The following HHLA2 variants were observed in gnomAD, a reference collection of about 807,000 sequenced individuals.
HHLA2 encodes HERV-H LTR-associating protein 2.
HHLA2 carries 48 observed loss-of-function variants against 45.9 expected under a neutral mutation model. That is an observed-to-expected ratio of 1.05 (90% CI 0.83 to 1.33). The LOEUF (loss-of-function observed/expected upper bound fraction) is 1.33, where lower values mean the gene tolerates loss of function less well. Among genes scored for constraint, HHLA2 ranks in the 40% most tolerant of loss-of-function variants. HHLA2 has a pLI of 0.00. For missense variants in HHLA2, 462 were observed against 494.3 expected, an observed-to-expected ratio of 0.93 and a Z score of 0.62; for synonymous variants, 161 against 173.9, an observed-to-expected ratio of 0.93 and a Z score of 0.59.
At chr3:108,358,224 A>C in intron 7 of HHLA2, 63 bp downstream of exon 6, 5 of 1,198,626 alleles carry the variant, frequency 4.2e-6, no homozygotes, top group Non-Finnish European at 5.9e-6. Flanking sequence ...TGTGAATATC[A>C]AAGAGAAAAT....
chr3:108,341,024 C>T (rs2081562952), intron 3 of HHLA2, among the ~76,000 whole-genome samples: 1 of 150,118 alleles, frequency 6.7e-6, no homozygotes, highest in Non-Finnish European at 1.5e-5. Flanking sequence ...GTAATCTTGG[C>T]TCACTGCAAC....
intron 8 of HHLA2, among the ~76,000 whole-genome samples, chr3:108,371,458 C>T (rs1386842312): frequency 2.0e-5 from 3 of 152,178 alleles, no homozygotes; most frequent in Non-Finnish European, 4.4e-5. Context: ...ATGACAGGAT[C>T]AAATTCACAT....
intron 5 of HHLA2, 94 bp downstream of exon 4, chr3:108,353,874 C>T: frequency 1.2e-6 from 1 of 833,080 alleles, no homozygotes; most frequent in African/African-American, 1.7e-5. Flanking sequence ...AGCTTCCTTC[C>T]AAGTCAATAC....
chr3:108,307,184 C>A (rs1396972432), intron 1 of HHLA2, among the ~76,000 whole-genome samples: 1 of 152,102 alleles, frequency 6.6e-6, no homozygotes, highest in Non-Finnish European at 1.5e-5. Context: ...TACCTTTATT[C>A]CTTTTTAATA....
At chr3:108,344,529 T>A (rs2081628879) in intron 3 of HHLA2, among the ~76,000 whole-genome samples, 3 of 152,222 alleles carry the variant, frequency 2.0e-5, no homozygotes, top group Admixed American at 2.0e-4. Flanking sequence ...AATTATTTGA[T>A]GATAACCCAC....
intron 2 of HHLA2, among the ~76,000 whole-genome samples, chr3:108,324,202 G>C (rs2081250037): frequency 6.6e-6 from 1 of 152,078 alleles, no homozygotes; most frequent in South Asian, 2.1e-4. Context: ...CAGAGTCCTA[G>C]TCTCCCCTCT....
chr3:108,321,099 A>AAAAAAAAAAAAAAAAAAAC, intron 2 of HHLA2, among the ~76,000 whole-genome samples: 1 of 149,588 alleles, frequency 6.7e-6, no homozygotes, highest in Non-Finnish European at 1.5e-5. Context: ...TTTAAAAAAA[A>AAAAAAAAAAAAAAAAAAAC]AAAAAAAAAA....
intron 8 of HHLA2, among the ~76,000 whole-genome samples, chr3:108,372,576 G>A (rs1232754525): frequency 5.3e-5 from 8 of 150,632 alleles, no homozygotes; most frequent in South Asian, 4.2e-4. Context: ...TTGATAGACC[G>A]CTAGCAAGAC....
At chr3:108,328,072 G>T (rs1036011342) in intron 2 of HHLA2, among the ~76,000 whole-genome samples, 1 of 152,138 alleles carries the variant, frequency 6.6e-6, no homozygotes, top group Non-Finnish European at 1.5e-5. Context: ...GGCGGAGGCT[G>T]CAGTGAGCTG....
chr3:108,306,025 T>C (rs541927786), intron 1 of HHLA2, among the ~76,000 whole-genome samples: 19 of 152,276 alleles, frequency 1.2e-4, no homozygotes, highest in South Asian at 6.2e-4. Flanking sequence ...CCCTCAGTGA[T>C]TGAGCACAGT....
At chr3:108,306,091 G>T (rs992104345) in intron 1 of HHLA2, among the ~76,000 whole-genome samples, 1 of 152,192 alleles carries the variant, frequency 6.6e-6, no homozygotes, top group African/African-American at 2.4e-5. Context: ...GGGTTCCCCA[G>T]TCATCTAACA....
chr3:108,362,173 C>T (rs892727050), intron 7 of HHLA2, among the ~76,000 whole-genome samples, 169 bp from the exon 7 acceptor site: 2 of 152,066 alleles, frequency 1.3e-5, no homozygotes, highest in African/African-American at 2.4e-5. Context: ...TCCTAAAGGA[C>T]GTTTTTATTA....
At chr3:108,362,690 A>G (rs2107485765) in intron 8 of HHLA2, among the ~76,000 whole-genome samples, 1 of 152,300 alleles carries the variant, frequency 6.6e-6, no homozygotes, top group East Asian at 1.9e-4. Context: ...AAGCATATTC[A>G]CTGCAGCACA....
intron 3 of HHLA2, among the ~76,000 whole-genome samples, chr3:108,343,848 C>T (rs979138787): frequency 2.6e-5 from 4 of 152,296 alleles, no homozygotes; most frequent in Middle Eastern, 3.4e-3. Flanking sequence ...AGGTGATAAA[C>T]TTAAATTGAC....
At chr3:108,299,089 C>G (rs1180258099) in intron 1 of HHLA2, among the ~76,000 whole-genome samples, 2 of 152,110 alleles carry the variant, frequency 1.3e-5, no homozygotes, top group Non-Finnish European at 2.9e-5. Flanking sequence ...TTGTCCCATA[C>G]TCTATATTCC....
At chr3:108,298,929 C>A (rs1390011011) in intron 1 of HHLA2, among the ~76,000 whole-genome samples, 1 of 152,198 alleles carries the variant, frequency 6.6e-6, no homozygotes, top group Non-Finnish European at 1.5e-5. Context: ...TTTAATACTT[C>A]TGTTTCAGGT....
intron 6 of HHLA2, among the ~76,000 whole-genome samples, chr3:108,357,472 G>A (rs1229070002): frequency 2.0e-5 from 3 of 152,160 alleles, no homozygotes; most frequent in Non-Finnish European, 4.4e-5. Context: ...CAAAAGGGGT[G>A]TTCTGGGGAC....
intron 3 of HHLA2, among the ~76,000 whole-genome samples, chr3:108,334,454 G>A (rs2081438043): frequency 6.6e-6 from 1 of 152,134 alleles, no homozygotes; most frequent in Admixed American, 6.6e-5. Context: ...TGTTGCTTCT[G>A]ATCAACTATT....
chr3:108,296,815 T>A (rs1042225096), intron 1 of HHLA2, among the ~76,000 whole-genome samples: 1 of 152,238 alleles, frequency 6.6e-6, no homozygotes, highest in Non-Finnish European at 1.5e-5. Flanking sequence ...GCTGATATAT[T>A]TCAAATAAAA....
Sources: gnomAD v4.1 joint callset for allele counts (sites outside exome capture counted in the v4.1 genomes callset) on GRCh38, gnomAD v4.1.1 for gene constraint, MANE v1.5 for transcripts, NCBI Gene and HGNC (gene_info 2026-07-23, HGNC 2026-07-21) for gene names.